FAXDC2: variants seen among roughly 807,000 people sequenced by gnomAD.
The protein encoded by FAXDC2 is fatty acid hydroxylase domain containing 2.
Under a neutral mutation model 40.9 loss-of-function variants are expected in FAXDC2, and 41 were observed. That is an observed-to-expected ratio of 1.00 (90% CI 0.78 to 1.30). The LOEUF (loss-of-function observed/expected upper bound fraction) is 1.30, where lower values mean the gene tolerates loss of function less well. FAXDC2 is among the 50% of genes most tolerant of loss of function. The probability of loss-of-function intolerance (pLI) is 0.00; values close to 1 mark genes in which losing one functional copy is unlikely to be tolerated. For synonymous variants in FAXDC2, 157 were observed against 149.3 expected, an observed-to-expected ratio of 1.05 and a Z score of -0.38; for missense variants, 390 against 408.8, an observed-to-expected ratio of 0.95 and a Z score of 0.40.
At chr5:154,849,452 C>CT (rs1760681522) in intron 1 of FAXDC2, among the ~76,000 whole-genome samples, 1 of 151,978 alleles carries the variant, frequency 6.6e-6, no homozygotes, top group Admixed American at 6.6e-5. Flanking sequence ...GAGAATCTGC[C>CT]TGTCTTGTTT....
intron 5 of FAXDC2, among the ~76,000 whole-genome samples, chr5:154,827,421 T>TTTTGTGTG (rs1760066593): frequency 7.2e-6 from 1 of 138,590 alleles, no homozygotes; most frequent in Non-Finnish European, 1.5e-5. Context: ...TTCTGTTATT[T>TTTTGTGTG]TGTGTGTGTG....
chr5:154,844,271 A>T (rs1343530013), intron 1 of FAXDC2, among the ~76,000 whole-genome samples: 1 of 151,968 alleles, frequency 6.6e-6, no homozygotes, highest in Non-Finnish European at 1.5e-5. Flanking sequence ...CCCTACAAAA[A>T]ATTAAAAAGA....
At chr5:154,842,495 C>T (rs1427263146) in intron 1 of FAXDC2, among the ~76,000 whole-genome samples, 4 of 139,976 alleles carry the variant, frequency 2.9e-5, no homozygotes, top group East Asian at 2.2e-4. Flanking sequence ...TGAGCCACTG[C>T]GCTCAGCCCT....
At chr5:154,840,343 C>T (rs1300900306) in intron 1 of FAXDC2, among the ~76,000 whole-genome samples, 1 of 151,388 alleles carries the variant, frequency 6.6e-6, no homozygotes, top group Non-Finnish European at 1.5e-5. Context: ...AATCCTCTTG[C>T]CTCAGCCTTC....
intron 5 of FAXDC2, among the ~76,000 whole-genome samples, chr5:154,826,798 A>T (rs1760050565): frequency 6.6e-6 from 1 of 152,124 alleles, no homozygotes; most frequent in Non-Finnish European, 1.5e-5. Flanking sequence ...ATGCAGGCTA[A>T]AGGATTTAGG....
chr5:154,833,520 G>A (rs1760244727), intron 4 of FAXDC2, among the ~76,000 whole-genome samples: 1 of 151,552 alleles, frequency 6.6e-6, no homozygotes, highest in East Asian at 1.9e-4. Context: ...TAATTTGTGT[G>A]TGTGTGTGTT....
intron 6 of FAXDC2, among the ~76,000 whole-genome samples, chr5:154,823,036 A>C (rs1759927905): frequency 6.6e-6 from 1 of 151,978 alleles, no homozygotes; most frequent in African/African-American, 2.4e-5. Flanking sequence ...CTTTGAGACA[A>C]GGTCTTGCTC....
chr5:154,846,315 C>T (rs1342753614), intron 1 of FAXDC2, among the ~76,000 whole-genome samples: 1 of 150,676 alleles, frequency 6.6e-6, no homozygotes, highest in Non-Finnish European at 1.5e-5. Context: ...CCAAAGGACA[C>T]GTTTTCTCTA....
chr5:154,831,471 C>G (rs1400957483), intron 4 of FAXDC2, among the ~76,000 whole-genome samples: 1 of 151,258 alleles, frequency 6.6e-6, no homozygotes, highest in African/African-American at 2.4e-5. Flanking sequence ...TTTTTTGAGA[C>G]AAAGCCTCTC....
At chr5:154,838,400 G>A (rs537638604) in intron 1 of FAXDC2, among the ~76,000 whole-genome samples, 5 of 152,172 alleles carry the variant, frequency 3.3e-5, no homozygotes, top group South Asian at 2.1e-4. Context: ...AAAGAGTGGT[G>A]GAAGGGAGGG....
At chr5:154,846,578 T>C (rs930211031) in intron 1 of FAXDC2, among the ~76,000 whole-genome samples, 1 of 152,060 alleles carries the variant, frequency 6.6e-6, no homozygotes, top group Non-Finnish European at 1.5e-5. Flanking sequence ...AGAGATGGGG[T>C]CTCACTATTT....
At chr5:154,828,791 G>A (rs1379744836) in intron 5 of FAXDC2, among the ~76,000 whole-genome samples, 4 of 151,552 alleles carry the variant, frequency 2.6e-5, no homozygotes, top group Non-Finnish European at 5.9e-5. Context: ...GTAGAGACAG[G>A]GATCTCACTA....
intron 1 of FAXDC2, among the ~76,000 whole-genome samples, chr5:154,849,163 C>T (rs1406078013): frequency 1.3e-5 from 2 of 151,816 alleles, no homozygotes; most frequent in Non-Finnish European, 2.9e-5. Flanking sequence ...ACCTGTAATC[C>T]CAGCTACTTG....
rs747557330 is a variant in FAXDC2, at chr5:154,838,131, C to G, written c.48G>C (p.Gln16His). Reference sequence around the variant, plus strand: ...TTGGGGGCAAGGTGCTGGCATTTACCTGCTTTGACTTTTCATTGTGTAGCA... The same window carrying G: ...TTGGGGGCAAGGTGCTGGCATTTACGTGCTTTGACTTTTCATTGTGTAGCA... ...GHMLHNEKSK[Q>H]EGHIWGSMRR... The change falls in exon 2 of 9, where the codon CAG (glutamine) becomes CAC (histidine). Residue 16 changes from glutamine to histidine, a missense_variant and splice_region_variant. Gln to His is a conservative substitution (Grantham distance 24). Coordinates refer to ENST00000326080, the MANE Select transcript of FAXDC2 (RefSeq NM_032385.5). 2.2e-5 allele frequency: 35 copies of G among 1,610,542 alleles called. 1 individual carries two copies. The South Asian group carries it at 3.6e-4, about 17-fold the overall frequency.
chr5:154,828,755 C>T (rs763520965), intron 5 of FAXDC2, among the ~76,000 whole-genome samples: 24 of 151,464 alleles, frequency 1.6e-4, no homozygotes, highest in Non-Finnish European at 3.2e-4. Flanking sequence ...CGCCACTGTG[C>T]CCGGCTAATT....
intron 8 of FAXDC2, chr5:154,820,686 C>G: frequency 2.2e-6 from 1 of 458,884 alleles, no homozygotes; most frequent in Non-Finnish European, 4.0e-6. Context: ...CTGGAGTCCT[C>G]CTTTGAAAAG....
intron 5 of FAXDC2, among the ~76,000 whole-genome samples, chr5:154,829,285 G>A (rs1760129696): frequency 6.6e-6 from 1 of 152,222 alleles, no homozygotes. Context: ...CAGTGGGAGA[G>A]TAAACAGAGC....
At chr5:154,820,723 C>CT (rs1480383739) in intron 8 of FAXDC2, 5 of 384,898 alleles carry the variant, frequency 1.3e-5, no homozygotes, top group Admixed American at 9.2e-5. Context: ...TGCCCACAGT[C>CT]TGAGAATCTC....
rs543608879 is a variant in FAXDC2, at chr5:154,832,836, T to C, written c.244+1789A>G. 3.3e-5 allele frequency among the ~76,000 whole-genome samples: 5 copies of C among 152,288 alleles called. No homozygotes were observed. The South Asian group carries it at 1.0e-3, about 32-fold the overall frequency. On this transcript the variant is annotated intron_variant, in intron 4 of 8. Coordinates refer to ENST00000326080, the MANE Select transcript of FAXDC2 (RefSeq NM_032385.5). ...TTTTCTACCACCTTCTCCATATACA[T>C]AGGTAATCTGCATTGTTCAATGACT...
Sources: gnomAD v4.1 joint callset for allele counts (sites outside exome capture counted in the v4.1 genomes callset) on GRCh38, gnomAD v4.1.1 for gene constraint, MANE v1.5 for transcripts, NCBI Gene and HGNC (gene_info 2026-07-23, HGNC 2026-07-21) for gene names.